RFX4: variants seen among roughly 807,000 people sequenced by gnomAD.
The protein encoded by RFX4 is transcription factor RFX4.
RFX4 carries 10 observed loss-of-function variants against 95.0 expected under a neutral mutation model. The ratio of observed to expected loss-of-function variants is 0.11; its 90% CI spans 0.06 to 0.18. The LOEUF is 0.18. RFX4 is among the 10% of genes least tolerant of loss of function. RFX4 has a pLI of 1.00. For synonymous variants in RFX4, 321 were observed against 340.7 expected (o/e 0.94, Z 0.64); for missense variants, 640 against 922.0 (o/e 0.69, Z 3.96).
At chr12:106,732,394 T>G in intron 14 of RFX4, 145 bp downstream of exon 14, 1 of 1,238,404 alleles carries the variant, frequency 8.1e-7, no homozygotes, top group Non-Finnish European at 1.1e-6. Flanking sequence ...ATCATGTCTT[T>G]TTCCTCTTTA....
chr12:106,740,308 T>G (rs1023375936), intron 15 of RFX4, among the ~76,000 whole-genome samples: 2 of 152,198 alleles, frequency 1.3e-5, no homozygotes, highest in African/African-American at 4.8e-5. Flanking sequence ...CTAGTTATTC[T>G]GAGGGCAGCT....
At chr12:106,610,130 C>T (rs928349870) in intron 2 of RFX4, among the ~76,000 whole-genome samples, 5 of 150,714 alleles carry the variant, frequency 3.3e-5, no homozygotes, top group African/African-American at 9.8e-5. Flanking sequence ...AAACACTACT[C>T]GAGAGGCTGA....
rs556116618 is a variant in RFX4 at position 106,737,162 on chromosome 12, G to GTTTT, written c.1633+4114_1633+4117dup. On this transcript the variant is annotated intron_variant, in intron 15 of 17. Transcript: ENST00000392842. The stretch of plus-strand genomic sequence containing the variant: ...TTTCCAGAATAGACTCGGAACTAAA[G>GTTTT]TTTTTTTTTTTTTTTTTTTTTTTTT... Among the ~76,000 whole-genome samples, 54 of 54,928 alleles carry GTTTT rather than the reference G, an allele frequency of 9.8e-4. 14 individuals are homozygous for GTTTT. Among genetic ancestry groups the GTTTT allele is most frequent in the Non-Finnish European group, 1.5e-3 (44 of 28,654 alleles). 36.0% of individuals were successfully genotyped at this position (54,928 alleles called of 152,430 possible).
chr12:106,646,770 T>G (rs997709903), intron 3 of RFX4, among the ~76,000 whole-genome samples: 1 of 152,116 alleles, frequency 6.6e-6, no homozygotes, highest in African/African-American at 2.4e-5. Flanking sequence ...GCTACCTGTA[T>G]TTAAAGAGGA....
intron 16 of RFX4, among the ~76,000 whole-genome samples, chr12:106,748,843 T>C (rs1232240326): frequency 6.6e-6 from 1 of 152,068 alleles, no homozygotes; most frequent in Non-Finnish European, 1.5e-5. Context: ...CCCAGCACTT[T>C]GGGAGGCCAA....
At chr12:106,748,072 A>AGGGT (rs1162235251) in intron 16 of RFX4, among the ~76,000 whole-genome samples, 1 of 152,106 alleles carries the variant, frequency 6.6e-6, no homozygotes, top group Non-Finnish European at 1.5e-5. Context: ...CACAACAACC[A>AGGGT]GGGTAGGTAG....
chr12:106,624,620 C>T (rs1198818610), intron 2 of RFX4, among the ~76,000 whole-genome samples: 1 of 152,098 alleles, frequency 6.6e-6, no homozygotes, highest in Non-Finnish European at 1.5e-5. Flanking sequence ...AGCCACCTCG[C>T]CCGGGCTTTT....
intron 7 of RFX4, among the ~76,000 whole-genome samples, chr12:106,694,224 G>T (rs1007773044): frequency 6.6e-6 from 1 of 152,178 alleles, no homozygotes; most frequent in Non-Finnish European, 1.5e-5. Flanking sequence ...TTCTCTCCTA[G>T]GAAGTCAGAG....
At chr12:106,632,711 G>T (rs1313266639) in intron 2 of RFX4, among the ~76,000 whole-genome samples, 1 of 152,170 alleles carries the variant, frequency 6.6e-6, no homozygotes, top group African/African-American at 2.4e-5. Context: ...TTGAAATGGG[G>T]TCTTGCCATG....
intron 17 of RFX4, among the ~76,000 whole-genome samples, chr12:106,757,651 C>T (rs1014647596): frequency 7.9e-5 from 12 of 152,168 alleles, no homozygotes; most frequent in African/African-American, 2.9e-4. Flanking sequence ...GGGGTGAGCC[C>T]TCTGGCAGTA....
chr12:106,729,235 C>T (rs2042563559), intron 13 of RFX4, among the ~76,000 whole-genome samples: 1 of 152,188 alleles, frequency 6.6e-6, no homozygotes, highest in Non-Finnish European at 1.5e-5. Flanking sequence ...CTCTTTCTAT[C>T]CATGTTGACT....
chr12:106,729,289 C>T (rs1039799805), intron 13 of RFX4, among the ~76,000 whole-genome samples: 5 of 152,146 alleles, frequency 3.3e-5, no homozygotes, highest in Admixed American at 1.3e-4. Context: ...TTTGGAGACC[C>T]TTTCCTTATT....
At chr12:106,756,879 G>A (rs981903358) in intron 17 of RFX4, among the ~76,000 whole-genome samples, 3 of 152,164 alleles carry the variant, frequency 2.0e-5, no homozygotes, top group Non-Finnish European at 2.9e-5. Flanking sequence ...CTCTGTGAAA[G>A]CCAGGACCAA....
At chr12:106,613,926 A>G (rs2040014913) in intron 2 of RFX4, among the ~76,000 whole-genome samples, 2 of 152,202 alleles carry the variant, frequency 1.3e-5, no homozygotes, top group South Asian at 4.1e-4. Context: ...TAGTTTTAGT[A>G]GATACTGCCG....
intron 3 of RFX4, among the ~76,000 whole-genome samples, chr12:106,644,273 A>G (rs1255246590): frequency 7.7e-6 from 1 of 129,850 alleles, no homozygotes; most frequent in Non-Finnish European, 1.5e-5. Flanking sequence ...TTGCTCTGTC[A>G]CTCAGGCTGG....
chr12:106,700,059 T>A (rs1302089051), intron 8 of RFX4, among the ~76,000 whole-genome samples: 3 of 152,116 alleles, frequency 2.0e-5, no homozygotes, highest in Non-Finnish European at 4.4e-5. Context: ...AGGGTCTTAC[T>A]CTGTCACCCA....
chr12:106,628,191 C>T (rs534736127), intron 2 of RFX4, among the ~76,000 whole-genome samples: 1 of 152,290 alleles, frequency 6.6e-6, no homozygotes, highest in East Asian at 1.9e-4. Flanking sequence ...CTCTCTTCAC[C>T]AGCTTACCTT....
intron 1 of RFX4, among the ~76,000 whole-genome samples, chr12:106,607,706 T>C (rs1472957337): frequency 1.3e-5 from 2 of 152,200 alleles, no homozygotes; most frequent in African/African-American, 2.4e-5. Flanking sequence ...ACGCATTTGT[T>C]TTCTCAGGAC....
intron 15 of RFX4, among the ~76,000 whole-genome samples, chr12:106,746,139 C>A (rs2042889464): frequency 6.6e-6 from 1 of 151,972 alleles, no homozygotes; most frequent in Admixed American, 6.6e-5. Context: ...GGGTGGGTCA[C>A]AAGGTTAGGA....
Sources: allele counts gnomAD v4.1 joint callset (sites outside exome capture counted in the v4.1 genomes callset), GRCh38; gene constraint gnomAD v4.1.1; transcripts MANE v1.5; gene names NCBI Gene and HGNC (gene_info 2026-07-23, HGNC 2026-07-21).